Variants in FAR2 observed in about 807,000 individuals in gnomAD.
The protein encoded by FAR2 is fatty acyl-CoA reductase 2.
A neutral mutation model predicts 56.0 loss-of-function variants in FAR2; 19 were observed. That is an observed-to-expected ratio of 0.34 (90% CI 0.24 to 0.50). FAR2 has a LOEUF of 0.50. Among genes scored for constraint, FAR2 ranks in the 20% least tolerant of loss-of-function variants. The pLI, the probability that FAR2 is intolerant of heterozygous loss-of-function variation, is 0.98. For synonymous variants in FAR2, 219 were observed against 218.8 expected (o/e 1.00, Z -0.01); for missense variants, 508 against 642.2 (o/e 0.79, Z 2.26).
At chr12:29,238,181 C>G (rs1013181642) in intron 1 of FAR2, among the ~76,000 whole-genome samples, 1 of 151,422 alleles carries the variant, frequency 6.6e-6, no homozygotes, top group African/African-American at 2.4e-5. Context: ...TAAAATACTC[C>G]TCCCTTTTCC....
Position 29,311,289 on chromosome 12 carries a change from A to T in FAR2, c.887+143A>T. The T allele has an allele frequency of 1.5e-5, 9 of 616,362 alleles. No individual in the cohort carries two copies. In the South Asian group the frequency reaches 1.9e-4, roughly 13 times the overall value. The allele number at this position is 616,362 out of a possible 1,614,324, so 38.2% of individuals were successfully genotyped here. ...ATTTCAATATTTTATAGAGTTCCTAATATGCCATCATATATGCATTGAGTT... is the reference window on the plus strand; with the variant it reads ...ATTTCAATATTTTATAGAGTTCCTATTATGCCATCATATATGCATTGAGTT... On this transcript the variant is annotated intron_variant, in intron 7 of 11. Coordinates refer to ENST00000536681, the MANE Select transcript of FAR2 (RefSeq NM_001271783.2).
Position 29,333,955 on chromosome 12 carries a change from G to A in FAR2, c.*161G>A. 2 of 599,060 alleles carry A rather than the reference G, an allele frequency of 3.3e-6. No individual in the cohort carries two copies. Among genetic ancestry groups the A allele is most frequent in the Non-Finnish European group, 5.3e-6 (2 of 376,390 alleles). 37.1% of individuals were successfully genotyped at this position (599,060 alleles called of 1,614,324 possible). A position where few individuals can be genotyped will look rare whatever the true frequency, so the allele number is the denominator to read the frequency against. On this transcript the variant is annotated 3_prime_UTR_variant, in exon 12 of 12. Coordinates refer to ENST00000536681, the MANE Select transcript of FAR2 (RefSeq NM_001271783.2). Reference sequence around the variant, plus strand: ...TCCTTAACTATGTATTTTTATTTCAGTGAGAGAAGGAAAGTTGTAAACTAG... The same window carrying A: ...TCCTTAACTATGTATTTTTATTTCAATGAGAGAAGGAAAGTTGTAAACTAG...
chr12:29,180,448 C>CCACCCACCCCA (rs1949981245), intron 1 of FAR2, among the ~76,000 whole-genome samples: 1 of 152,122 alleles, frequency 6.6e-6, no homozygotes, highest in African/African-American at 2.4e-5. Flanking sequence ...TGCCCTCTCC[C>CCACCCACCCCA]AATGAAACCC....
chr12:29,192,443 A>T (rs1482833818), intron 1 of FAR2, among the ~76,000 whole-genome samples: 1 of 152,222 alleles, frequency 6.6e-6, no homozygotes, highest in East Asian at 1.9e-4. Flanking sequence ...TGTCCTGGGC[A>T]CTATGATGGA....
At chr12:29,263,936 G>A (rs1044154310) in intron 1 of FAR2, among the ~76,000 whole-genome samples, 8 of 151,900 alleles carry the variant, frequency 5.3e-5, no homozygotes, top group African/African-American at 1.9e-4. Context: ...GAGGAGGAAG[G>A]AATACTTCCA....
chr12:29,274,135 T>A (rs1052085271), intron 2 of FAR2, among the ~76,000 whole-genome samples: 1 of 152,026 alleles, frequency 6.6e-6, no homozygotes, highest in Non-Finnish European at 1.5e-5. Flanking sequence ...GTTGGTGTGC[T>A]GCACCCATTA....
At chr12:29,286,196 G>A (rs894643855) in intron 2 of FAR2, among the ~76,000 whole-genome samples, 4 of 152,170 alleles carry the variant, frequency 2.6e-5, no homozygotes, top group African/African-American at 9.6e-5. Context: ...ACAAAGCGGT[G>A]GGCACTATGA....
At position 29,293,110 on chromosome 12, in the gene FAR2, C is replaced by G. The variant is rs116018217; in HGVS notation, c.190-190C>G. On this transcript the variant is annotated intron_variant, in intron 2 of 11. Coordinates refer to ENST00000536681, the MANE Select transcript of FAR2 (RefSeq NM_001271783.2). ...TCGAACTCCTGGGCTCAAGTGATCT[C>G]CCTGCTTTGGCTTCCCAAAGTGCTG... The G allele has an allele frequency of 1.9e-3, 791 of 425,510 alleles. 6 individuals are homozygous for G. The highest frequency in any genetic ancestry group is 0.011 in the African/African-American group (548 of 48,530). The allele number at this position is 425,510 out of a possible 1,614,324, so 26.4% of individuals were successfully genotyped here. A position where few individuals can be genotyped will look rare whatever the true frequency, so the allele number is the denominator to read the frequency against.
chr12:29,177,409 T>C (rs1329270910), intron 1 of FAR2, among the ~76,000 whole-genome samples: 1 of 152,204 alleles, frequency 6.6e-6, no homozygotes, highest in African/African-American at 2.4e-5. Flanking sequence ...TACTAGAAAG[T>C]ATTATTATAA....
At chr12:29,249,370 A>G (rs1040907248) in intron 1 of FAR2, among the ~76,000 whole-genome samples, 1 of 152,242 alleles carries the variant, frequency 6.6e-6, no homozygotes, top group Non-Finnish European at 1.5e-5. Context: ...AATCGTTGGT[A>G]TGCTATTCTA....
intron 1 of FAR2, among the ~76,000 whole-genome samples, chr12:29,150,508 A>T (rs77690594): frequency 0.083 from 12,576 of 152,294 alleles, 706 homozygotes; most frequent in South Asian, 0.2. Flanking sequence ...CCGTGGTTTC[A>T]ATTACCCATC....
intron 1 of FAR2, among the ~76,000 whole-genome samples, chr12:29,216,736 A>G (rs1166264892): frequency 2.6e-5 from 4 of 152,240 alleles, no homozygotes; most frequent in Admixed American, 2.6e-4. Flanking sequence ...ATTTTGAGTT[A>G]ATTTCAGGCA....
intron 1 of FAR2, among the ~76,000 whole-genome samples, chr12:29,228,422 AT>A (rs1947803497): frequency 6.6e-6 from 1 of 152,184 alleles, no homozygotes; most frequent in Admixed American, 6.5e-5. Context: ...ATTTTAAAGT[AT>A]TTTATTATTT....
chr12:29,198,392 C>A (rs2136613624), intron 1 of FAR2, among the ~76,000 whole-genome samples: 1 of 152,184 alleles, frequency 6.6e-6, no homozygotes, highest in African/African-American at 2.4e-5. Flanking sequence ...CCATGCCCAG[C>A]TAATTTTTGT....
chr12:29,298,709 T>G (rs957908222), intron 4 of FAR2, among the ~76,000 whole-genome samples: 1 of 152,220 alleles, frequency 6.6e-6, no homozygotes, highest in African/African-American at 2.4e-5. Flanking sequence ...CAGAGCATTT[T>G]CAGGATGGAA....
intron 2 of FAR2, 154 bp from the exon 3 acceptor site, chr12:29,293,146 C>T: frequency 3.5e-6 from 2 of 567,214 alleles, no homozygotes; most frequent in Non-Finnish European, 5.7e-6. Context: ...AGATTACAGG[C>T]ATATGCCACC....
intron 4 of FAR2, among the ~76,000 whole-genome samples, chr12:29,299,684 A>G (rs893196760): frequency 3.9e-5 from 6 of 152,232 alleles, no homozygotes; most frequent in Non-Finnish European, 7.3e-5. Flanking sequence ...ATTAATTAGG[A>G]CATCCAGGAC....
intron 1 of FAR2, among the ~76,000 whole-genome samples, chr12:29,248,150 G>C (rs556272723): frequency 9.2e-5 from 14 of 152,280 alleles, no homozygotes; most frequent in African/African-American, 2.9e-4. Context: ...GAACTGGAGT[G>C]AAGCTCTGCT....
At chr12:29,212,704 A>G (rs1039342849) in intron 1 of FAR2, among the ~76,000 whole-genome samples, 2 of 152,198 alleles carry the variant, frequency 1.3e-5, no homozygotes, top group Non-Finnish European at 2.9e-5. Context: ...TTTCCCCCAT[A>G]AAACGGCATT....
Sources: gnomAD v4.1 joint callset for allele counts (sites outside exome capture counted in the v4.1 genomes callset) on GRCh38, gnomAD v4.1.1 for gene constraint, MANE v1.5 for transcripts, NCBI Gene and HGNC (gene_info 2026-07-23, HGNC 2026-07-21) for gene names.